Variants in BMERB1 observed in about 807,000 individuals in gnomAD.
BMERB1 encodes the protein bMERB domain-containing protein 1.
A neutral mutation model predicts 23.6 loss-of-function variants in BMERB1; 12 were observed. That is an observed-to-expected ratio of 0.51 (90% CI 0.33 to 0.82). The LOEUF (loss-of-function observed/expected upper bound fraction) is 0.82, where lower values mean the gene tolerates loss of function less well. Among genes scored for constraint, BMERB1 ranks in the 40% least tolerant of loss-of-function variants. The probability of loss-of-function intolerance (pLI) is 0.03; values close to 1 mark genes in which losing one functional copy is unlikely to be tolerated. For synonymous variants in BMERB1, 122 were observed against 96.6 expected, an observed-to-expected ratio of 1.26 and a Z score of -1.54; for missense variants, 247 against 255.4, an observed-to-expected ratio of 0.97 and a Z score of 0.22.
At chr16:15,472,147 A>G (rs1567459406) in intron 1 of BMERB1, among the ~76,000 whole-genome samples, 1 of 152,024 alleles carries the variant, frequency 6.6e-6, no homozygotes, top group African/African-American at 2.4e-5. Flanking sequence ...ATTCTTTTGA[A>G]TTTGTTGGGG....
At chr16:15,492,520 A>G (rs1452401907) in intron 1 of BMERB1, among the ~76,000 whole-genome samples, 2 of 152,196 alleles carry the variant, frequency 1.3e-5, no homozygotes, top group African/African-American at 4.8e-5. Context: ...TGAAAGGAGA[A>G]ACTTTACAAT....
At chr16:15,586,299 G>C (rs188751013) in intron 5 of BMERB1, among the ~76,000 whole-genome samples, 1 of 152,220 alleles carries the variant, frequency 6.6e-6, no homozygotes, top group South Asian at 2.1e-4. Context: ...GGGAGGTGGA[G>C]GTATCTGAAA....
chr16:15,525,572 G>A (rs1227138057), intron 2 of BMERB1, among the ~76,000 whole-genome samples: 1 of 152,036 alleles, frequency 6.6e-6, no homozygotes, highest in Non-Finnish European at 1.5e-5. Context: ...GGCTGTGGTG[G>A]CGTGTGCTTT....
At chr16:15,503,898 C>G (rs1281477120) in intron 1 of BMERB1, among the ~76,000 whole-genome samples, 2 of 152,184 alleles carry the variant, frequency 1.3e-5, no homozygotes, top group Admixed American at 6.5e-5. Flanking sequence ...AAGCTCAGGT[C>G]CACAAGGGCA....
At chr16:15,543,583 G>T (rs1346691138) in intron 2 of BMERB1, among the ~76,000 whole-genome samples, 1 of 152,122 alleles carries the variant, frequency 6.6e-6, no homozygotes, top group African/African-American at 2.4e-5. Context: ...CACTTTGGGA[G>T]GTCGAAGCAG....
At chr16:15,483,997 T>A (rs2051346834) in intron 1 of BMERB1, among the ~76,000 whole-genome samples, 1 of 152,110 alleles carries the variant, frequency 6.6e-6, no homozygotes, top group Non-Finnish European at 1.5e-5. Flanking sequence ...GGCCCAAGAA[T>A]CTTACAATCA....
At chr16:15,451,264 T>C (rs1393323366) in intron 1 of BMERB1, among the ~76,000 whole-genome samples, 2 of 152,112 alleles carry the variant, frequency 1.3e-5, no homozygotes, top group Non-Finnish European at 2.9e-5. Context: ...TGATCTCTGC[T>C]ACTGCAGTCC....
At chr16:15,498,916 A>G (rs2051500753) in intron 1 of BMERB1, among the ~76,000 whole-genome samples, 1 of 152,222 alleles carries the variant, frequency 6.6e-6, no homozygotes, top group Admixed American at 6.5e-5. Flanking sequence ...GAAGCGTCCA[A>G]CTCCAAATGT....
chr16:15,515,357 T>C lies in BMERB1; in HGVS notation c.159T>C (p.Ile53=). The C allele has an allele frequency of 6.2e-7, 1 of 1,613,908 alleles. No homozygotes were observed. Among genetic ancestry groups the C allele is most frequent in the Non-Finnish European group, 8.5e-7 (1 of 1,179,988 alleles). Residue 53 remains isoleucine, a synonymous_variant, in exon 2 of 6, where the codon ATT becomes ATC. Coordinates refer to ENST00000300006, the MANE Select transcript of BMERB1 (RefSeq NM_033201.3). ...MAETTMMPEE[I]ELEMAKIQRL... is the part of the protein sequence containing the mutation. Reference sequence around the variant, plus strand: ...AGACAACCATGATGCCAGAGGAGATTGAGCTGGAGATGGCAAAAATTCAGC... The same window carrying C: ...AGACAACCATGATGCCAGAGGAGATCGAGCTGGAGATGGCAAAAATTCAGC...
chr16:15,581,539 T>C, intron 4 of BMERB1: 1 of 473,372 alleles, frequency 2.1e-6, no homozygotes, highest in Non-Finnish European at 3.7e-6. Flanking sequence ...AATCTGTGCC[T>C]CTTGAGGGAA....
intron 5 of BMERB1, 94 bp downstream of exon 5, chr16:15,583,332 C>T (rs2031063852): frequency 9.9e-7 from 1 of 1,010,180 alleles, no homozygotes; most frequent in Non-Finnish European, 1.6e-6. Flanking sequence ...AATCCCAGCA[C>T]TATGAGAGGC....
At chr16:15,520,230 G>T (rs1377306597) in intron 2 of BMERB1, among the ~76,000 whole-genome samples, 3 of 152,122 alleles carry the variant, frequency 2.0e-5, no homozygotes, top group African/African-American at 7.2e-5. Context: ...TCTCGTGGGG[G>T]CAGAGCCCTT....
At chr16:15,476,540 A>G (rs2051276453) in intron 1 of BMERB1, among the ~76,000 whole-genome samples, 1 of 152,226 alleles carries the variant, frequency 6.6e-6, no homozygotes, top group Non-Finnish European at 1.5e-5. Flanking sequence ...ACACCAGTGT[A>G]GGTGGAAAAT....
At chr16:15,466,613 C>A (rs2051182749) in intron 1 of BMERB1, among the ~76,000 whole-genome samples, 1 of 152,058 alleles carries the variant, frequency 6.6e-6, no homozygotes, top group African/African-American at 2.4e-5. Flanking sequence ...ACCCATTTTA[C>A]CCCAATGGTG....
intron 3 of BMERB1, 63 bp downstream of exon 3, chr16:15,568,119 C>G (rs1426747680): frequency 2.1e-6 from 3 of 1,407,898 alleles, no homozygotes; most frequent in Non-Finnish European, 3.0e-6. Context: ...CCTGGCCCAT[C>G]TGTACGCCTG....
intron 1 of BMERB1, among the ~76,000 whole-genome samples, chr16:15,451,536 G>A (rs1471363166): frequency 1.3e-5 from 2 of 149,020 alleles, no homozygotes; most frequent in African/African-American, 5.0e-5. Flanking sequence ...TACATACTGG[G>A]TCACTCTTAG....
chr16:15,441,182 A>C (rs1266421086), intron 1 of BMERB1, among the ~76,000 whole-genome samples: 4 of 152,180 alleles, frequency 2.6e-5, no homozygotes, highest in East Asian at 1.9e-4. Flanking sequence ...ACTGCTAAAA[A>C]ATTTTAATCA....
intron 1 of BMERB1, among the ~76,000 whole-genome samples, chr16:15,485,104 A>C (rs2051356909): frequency 6.6e-6 from 1 of 152,242 alleles, no homozygotes; most frequent in Non-Finnish European, 1.5e-5. Flanking sequence ...TTTCAATGGA[A>C]GTCATGGGAC....
intron 4 of BMERB1, 44 bp from the exon 5 acceptor site, chr16:15,583,112 G>T (rs2031056482): frequency 7.0e-7 from 1 of 1,435,792 alleles, no homozygotes; most frequent in African/African-American, 1.4e-5. Context: ...TGCTTTCCTT[G>T]CTTGCTGTGT....
Sources: allele counts gnomAD v4.1 joint callset (sites outside exome capture counted in the v4.1 genomes callset), GRCh38; gene constraint gnomAD v4.1.1; transcripts MANE v1.5; gene names NCBI Gene and HGNC (gene_info 2026-07-23, HGNC 2026-07-21).